The following C5orf52 variants were observed in gnomAD, a reference collection of about 807,000 sequenced individuals.
The protein encoded by C5orf52 is uncharacterized protein C5orf52.
Under a neutral mutation model 16.8 loss-of-function variants are expected in C5orf52, and 15 were observed. The observed-to-expected ratio is 0.89, with a 90% confidence interval of 0.60 to 1.38. C5orf52 has a LOEUF of 1.38. C5orf52 is among the 40% of genes most tolerant of loss of function. The probability of loss-of-function intolerance (pLI) is 0.00; values close to 1 mark genes in which losing one functional copy is unlikely to be tolerated. For missense variants in C5orf52, 206 were observed against 213.1 expected (o/e 0.97, Z 0.21); for synonymous variants, 83 against 87.2 (o/e 0.95, Z 0.27).
At chr5:157,673,549 T>A (rs1400462446) in intron 1 of C5orf52, among the ~76,000 whole-genome samples, 5 of 152,186 alleles carry the variant, frequency 3.3e-5, no homozygotes, top group African/African-American at 7.2e-5. Context: ...ACCACCCGTG[T>A]CTATGTTTCA....
chr5:157,674,943 C>T, intron 1 of C5orf52, 149 bp from the exon 2 acceptor site: 1 of 596,908 alleles, frequency 1.7e-6, no homozygotes, highest in Non-Finnish European at 3.0e-6. Context: ...TGTGGTTACT[C>T]CCCTGTTCTT....
rs988266568 is a variant in C5orf52, at chr5:157,675,176, C to T, written c.297C>T (p.Ile99=). 10 of 1,549,960 alleles carry T rather than the reference C, an allele frequency of 6.5e-6. No individual in the cohort carries two copies. The highest frequency in any genetic ancestry group is 5.5e-5 in the African/African-American group (4 of 72,944). ...LSRVIIHDNR[I]TQRIYEMEVS... ...GGGTGATTATTCATGATAACCGCAT[C>T]ACACAACGAATCTATGAGATGGAGG... The change falls in exon 2 of 3, where the codon ATC becomes ATT. Residue 99 remains isoleucine (I), a synonymous_variant. Transcript: ENST00000409999.
At chr5:157,674,731 A>C (rs1256367126) in intron 1 of C5orf52, among the ~76,000 whole-genome samples, 7 of 151,966 alleles carry the variant, frequency 4.6e-5, no homozygotes, top group Non-Finnish European at 7.4e-5. Context: ...GCACCACCAC[A>C]CTCCAGCCTG....
intron 1 of C5orf52, among the ~76,000 whole-genome samples, chr5:157,674,646 T>C (rs936711077): frequency 1.3e-5 from 2 of 152,152 alleles, no homozygotes; most frequent in Non-Finnish European, 1.5e-5. Context: ...CGAGTGCCTG[T>C]AGTGCCAGCT....
chr5:157,680,113 C>A lies in C5orf52; in HGVS notation c.*114C>A. 2 of 933,086 alleles carry A rather than the reference C, an allele frequency of 2.1e-6. No homozygotes were observed. Among genetic ancestry groups the A allele is most frequent in the African/African-American group, 1.7e-5 (1 of 59,832 alleles). The allele number at this position is 933,086 out of a possible 1,614,324, so 57.8% of individuals were successfully genotyped here. A position where few individuals can be genotyped will look rare whatever the true frequency, so the allele number is the denominator to read the frequency against. On this transcript the variant is annotated 3_prime_UTR_variant, in exon 3 of 3. Transcript: ENST00000409999. ...GAACTAGTAACTACAACCTACACAA[C>A]TGTAGAACAATAAACAGAAACCAGC... is the stretch of plus-strand genomic sequence containing the variant.
intron 1 of C5orf52, among the ~76,000 whole-genome samples, chr5:157,674,455 A>G (rs1266736456): frequency 2.6e-5 from 4 of 152,144 alleles, no homozygotes; most frequent in African/African-American, 9.7e-5. Context: ...TTCATCCTTA[A>G]GAAGGATCAT....
chr5:157,671,295 C>G (rs1759780630), upstream of C5orf52: 8 of 355,252 alleles, frequency 2.3e-5, no homozygotes, highest in Non-Finnish European at 2.0e-5. Flanking sequence ...CACTGCAGTC[C>G]CCACGTCGAA....
rs1005960353 is a variant in C5orf52, at chr5:157,671,706, C to G, written c.92C>G (p.Ala31Gly). The part of the protein sequence containing the change: ...TAAQATTSSS[A>G]TSGSNYQRDR... ...GCCCAGGCGACCACCAGTTCCAGCG[C>G]CACCTCGGGTTCGAACTACCAGCGC... Residue 31 changes from alanine (A) to glycine (G), a missense_variant, in exon 1 of 3, where the codon GCC becomes GGC. By Grantham distance (60) the Ala-to-Gly change is moderately conservative. Transcript: ENST00000409999. The G allele has an allele frequency of 2.6e-6, 4 of 1,551,322 alleles. No homozygotes were observed. In the East Asian group the frequency reaches 7.3e-5, roughly 28 times the overall value.
intron 2 of C5orf52, among the ~76,000 whole-genome samples, chr5:157,676,644 A>G (rs774469635): frequency 6.6e-6 from 1 of 152,166 alleles, no homozygotes; most frequent in African/African-American, 2.4e-5. Flanking sequence ...CTGCTTTCTC[A>G]TTTGTAAAAT....
intron 2 of C5orf52, among the ~76,000 whole-genome samples, chr5:157,677,661 AAAAAAAAAG>A (rs371870969): frequency 0.011 from 1,512 of 142,732 alleles, 25 homozygotes; most frequent in African/African-American, 0.039. Flanking sequence ...TCTCAAAAAA[AAAAAAAAAG>A]AAAAGAAAAG....
At position 157,680,069 on chromosome 5, in the gene C5orf52, C is replaced by T; in HGVS notation, c.*70C>T. ...GGGATCTGCCCCAGGGTCACGATGA[C>T]ACCAGTGTGACCCGAGGAGAACTAG... On this transcript the variant is annotated 3_prime_UTR_variant, in exon 3 of 3. Coordinates refer to ENST00000409999, the MANE Select transcript of C5orf52 (RefSeq NM_001145132.2). The T allele has an allele frequency of 7.1e-7, 1 of 1,416,346 alleles. No individual in the cohort carries two copies. The highest frequency in any genetic ancestry group is 9.5e-7 in the Non-Finnish European group (1 of 1,048,890). 87.7% of individuals were successfully genotyped at this position (1,416,346 alleles called of 1,614,324 possible).
chr5:157,678,889 C>G (rs1158282959), intron 2 of C5orf52, among the ~76,000 whole-genome samples: 1 of 152,116 alleles, frequency 6.6e-6, no homozygotes. Flanking sequence ...AATCTCAGCA[C>G]TTTGGGAGGC....
chr5:157,678,292 T>C (rs1243958310), intron 2 of C5orf52, among the ~76,000 whole-genome samples: 1 of 152,188 alleles, frequency 6.6e-6, no homozygotes, highest in East Asian at 1.9e-4. Context: ...TGCTTAACCT[T>C]GTGCTAGGTC....
chr5:157,676,495 T>C (rs1300543866), intron 2 of C5orf52, among the ~76,000 whole-genome samples: 1 of 152,154 alleles, frequency 6.6e-6, no homozygotes, highest in African/African-American at 2.4e-5. Flanking sequence ...CAGATCCTCT[T>C]GAAGGTCACA....
At chr5:157,679,675 G>T (rs1045110358) in intron 2 of C5orf52, among the ~76,000 whole-genome samples, 166 bp from the exon 3 acceptor site, 1 of 152,122 alleles carries the variant, frequency 6.6e-6, no homozygotes, top group African/African-American at 2.4e-5. Flanking sequence ...TTTACAAATA[G>T]AGAAATAGGC....
At chr5:157,671,251 C>T (rs1403371457), upstream of C5orf52, 2 of 254,316 alleles carry the variant, frequency 7.9e-6, no homozygotes, top group Non-Finnish European at 1.5e-5. Context: ...CACCCTGGCT[C>T]AACCCGTTAC....
Position 157,675,125 on chromosome 5 carries a change from A to T in C5orf52, c.246A>T (p.Lys82Asn), listed in dbSNP as rs546397461. The change falls in exon 2 of 3, where the codon AAA (lysine) becomes AAT (asparagine). Residue 82 changes from lysine to asparagine, a missense_variant. Coordinates refer to ENST00000409999, the MANE Select transcript of C5orf52 (RefSeq NM_001145132.2). ...ATTCCAGTGAAGCAGCGATGAAAAA[A>T]ACTTTACCCAAGAGCCATTTATCTC... ...LMNSSEAAMK[K>N]TLPKSHLSRV... 1.8e-5 allele frequency: 28 copies of T among 1,551,572 alleles called. No homozygotes were observed. In the Admixed American group the frequency reaches 4.7e-4, roughly 26 times the overall value.
chr5:157,674,081 T>C (rs1759851914), intron 1 of C5orf52, among the ~76,000 whole-genome samples: 1 of 152,200 alleles, frequency 6.6e-6, no homozygotes, highest in Non-Finnish European at 1.5e-5. Flanking sequence ...TTTTCTCATT[T>C]TGACCAAATT....
At chr5:157,677,792 T>G (rs1275021866) in intron 2 of C5orf52, among the ~76,000 whole-genome samples, 1 of 151,994 alleles carries the variant, frequency 6.6e-6, no homozygotes, top group African/African-American at 2.4e-5. Context: ...GAGACCAGCC[T>G]GGCCAACATG....
Sources: gnomAD v4.1 joint callset for allele counts (sites outside exome capture counted in the v4.1 genomes callset) on GRCh38, gnomAD v4.1.1 for gene constraint, MANE v1.5 for transcripts, NCBI Gene and HGNC (gene_info 2026-07-23, HGNC 2026-07-21) for gene names.